SASH1: variants seen among roughly 807,000 people sequenced by gnomAD.
SASH1 encodes the protein SAM and SH3 domain containing 1, also known as SAM and SH3 domain-containing protein 1.
In SASH1, 44 loss-of-function variants were observed where a neutral mutation model predicts 125.2. The ratio of observed to expected loss-of-function variants is 0.35; its 90% CI spans 0.28 to 0.45. The LOEUF (loss-of-function observed/expected upper bound fraction) is 0.45. Ranked by LOEUF, SASH1 falls within the 20% of genes least tolerant of loss-of-function variation. The pLI is 1.00. For synonymous variants in SASH1, 639 were observed against 649.1 expected, an observed-to-expected ratio of 0.98 and a Z score of 0.24; for missense variants, 1,426 against 1,614.5, an observed-to-expected ratio of 0.88 and a Z score of 2.00.
chr6:148,372,695 T>C (rs966322403), intron 1 of SASH1, among the ~76,000 whole-genome samples: 2 of 121,592 alleles, frequency 1.6e-5, no homozygotes, highest in African/African-American at 6.0e-5. Flanking sequence ...GTTTCATTTA[T>C]TCCATTTGTT....
At chr6:148,435,252 C>T (rs1397820232) in intron 2 of SASH1, among the ~76,000 whole-genome samples, 3 of 151,838 alleles carry the variant, frequency 2.0e-5, no homozygotes, top group Admixed American at 2.0e-4. Flanking sequence ...GTGGTGGGTA[C>T]CTGTAATCCC....
the SASH1 span, among the ~76,000 whole-genome samples, chr6:148,195,656 C>T: frequency 1.3e-5 from 2 of 152,312 alleles, no homozygotes; most frequent in African/African-American, 4.8e-5. Context: ...GGTGGCTTCC[C>T]GTGAGAGAGC....
Position 148,544,623 on chromosome 6 carries a change from C to T in SASH1, c.3153C>T (p.Ser1051=), listed in dbSNP as rs1305950863. The change falls in exon 18 of 20, where the codon AGC becomes AGT. Residue 1051 remains serine, a synonymous_variant. Coordinates refer to ENST00000367467, the MANE Select transcript of SASH1 (RefSeq NM_015278.5). This position sits in a 1 kb window ranked among gnomAD's most constrained non-coding sequence, Gnocchi z 6.4. ...CTCTCTCAGGGCAGGCGCCTGGCAGCCCACCAAGCACAAGGCCGCCCCCCT... is the reference window on the plus strand; with the variant it reads ...CTCTCTCAGGGCAGGCGCCTGGCAGTCCACCAAGCACAAGGCCGCCCCCCT... ...PRPLSGQAPG[S]PPSTRPPPWL... is the part of the protein sequence containing the mutation. 2 of 1,613,356 alleles carry T rather than the reference C, an allele frequency of 1.2e-6. No individual in the cohort carries two copies. The highest frequency in any genetic ancestry group is 1.1e-5 in the South Asian group (1 of 91,056).
At chr6:148,224,652 C>T in the SASH1 span, among the ~76,000 whole-genome samples, 125 of 152,262 alleles carry the variant, frequency 8.2e-4, no homozygotes, top group Admixed American at 3.1e-3. Flanking sequence ...TGAGCCACTG[C>T]ACCCGGCCTC....
At chr6:148,305,350 G>A (rs1229178149) in intron 1 of SASH1, among the ~76,000 whole-genome samples, 1 of 152,152 alleles carries the variant, frequency 6.6e-6, no homozygotes, top group East Asian at 1.9e-4. Flanking sequence ...GCTCACGCCT[G>A]TAATCCCAGC....
At chr6:148,290,293 G>C (rs1355919468) in intron 1 of SASH1, among the ~76,000 whole-genome samples, 1 of 151,648 alleles carries the variant, frequency 6.6e-6, no homozygotes, top group African/African-American at 2.4e-5. Context: ...CTCTCTCCCA[G>C]TTGAGAACTA....
chr6:148,389,785 C>T (rs1202450603), intron 1 of SASH1, among the ~76,000 whole-genome samples: 1 of 152,202 alleles, frequency 6.6e-6, no homozygotes, highest in East Asian at 1.9e-4. Context: ...CCTCTCTTAG[C>T]CCTGCTAGGC....
chr6:148,326,859 G>C lies in SASH1; in HGVS notation n.74+54482G>C, dbSNP rs548614156. 1.7e-4 allele frequency among the ~76,000 whole-genome samples: 26 copies of C among 152,234 alleles called. 1 individual carries two copies. Among genetic ancestry groups the C allele is most frequent in the African/African-American group, 6.0e-4 (25 of 41,552 alleles). ...GCATACATAATAAAATCCGCCCTCC[G>C]AGCTTGGCATATGGGGCCATACTCA... On this transcript the variant is annotated intron_variant and non_coding_transcript_variant, in intron 1 of 3. Transcript: ENST00000367469.
At chr6:148,507,353 T>G (rs1779856013) in intron 8 of SASH1, among the ~76,000 whole-genome samples, 1 of 149,228 alleles carries the variant, frequency 6.7e-6, no homozygotes, top group East Asian at 2.0e-4. Flanking sequence ...GTATTCCAAT[T>G]CCCTTTTGTT....
intron 7 of SASH1, among the ~76,000 whole-genome samples, chr6:148,477,345 G>A (rs1014028640): frequency 1.3e-5 from 2 of 151,910 alleles, no homozygotes; most frequent in African/African-American, 2.4e-5. Context: ...CAATATATGT[G>A]GAACTCAAAC....
intron 1 of SASH1, among the ~76,000 whole-genome samples, chr6:148,281,758 T>TA (rs1210366224): frequency 6.6e-6 from 1 of 151,870 alleles, no homozygotes; most frequent in Admixed American, 6.6e-5. Flanking sequence ...CCGTCTCTAC[T>TA]AAAAATACAA....
rs536621787 is a variant in SASH1, at chr6:148,290,782, C to T, written n.74+18405C>T. Among the ~76,000 whole-genome samples the T allele has an allele frequency of 5.4e-5, 8 of 148,924 alleles. No individual in the cohort carries two copies. In the South Asian group the frequency reaches 1.3e-3, roughly 24 times the overall value. The stretch of plus-strand genomic sequence containing the variant: ...CCTGGGAAAACCAGAGACCTTTGTT[C>T]ATGTTTATCTGCTGACCTTCCCTCC... On this transcript the variant is annotated intron_variant and non_coding_transcript_variant, in intron 1 of 3. Coordinates refer to the SASH1 transcript ENST00000367469.
intron 2 of SASH1, among the ~76,000 whole-genome samples, chr6:148,438,725 CAA>C (rs60769463): frequency 0.42 from 40,728 of 96,494 alleles, 6,667 homozygotes; most frequent in South Asian, 0.64. Context: ...TTCATTGTGG[CAA>C]AAAAAAAAAA....
At chr6:148,387,277 C>T (rs1239433878) in intron 1 of SASH1, among the ~76,000 whole-genome samples, 1 of 151,790 alleles carries the variant, frequency 6.6e-6, no homozygotes, top group Non-Finnish European at 1.5e-5. Flanking sequence ...ACCAGCAAGC[C>T]CAGCTAATTT....
intron 2 of SASH1, among the ~76,000 whole-genome samples, chr6:148,409,213 C>A (rs2114901143): frequency 1.3e-5 from 2 of 152,322 alleles, no homozygotes; most frequent in East Asian, 3.9e-4. Context: ...GTTTAAGTTG[C>A]ATCTCTGTGT....
At chr6:148,385,533 G>A (rs1262935203) in intron 1 of SASH1, among the ~76,000 whole-genome samples, 1 of 152,128 alleles carries the variant, frequency 6.6e-6, no homozygotes, top group Non-Finnish European at 1.5e-5. Context: ...GCCACTCTAG[G>A]TAGCTTCAGA....
intron 4 of SASH1, among the ~76,000 whole-genome samples, chr6:148,449,037 C>T (rs1264514261): frequency 1.5e-5 from 2 of 135,748 alleles, no homozygotes; most frequent in Non-Finnish European, 3.3e-5. Flanking sequence ...TTTTGTGTTG[C>T]TGTGATAGAA....
chr6:148,367,611 T>C (rs1014967983), intron 1 of SASH1, among the ~76,000 whole-genome samples: 2 of 152,232 alleles, frequency 1.3e-5, no homozygotes, highest in African/African-American at 4.8e-5. Context: ...GCAGCCCTCC[T>C]GCCCTCTGCA....
chr6:148,481,923 T>C (rs1249636427), intron 7 of SASH1, among the ~76,000 whole-genome samples: 1 of 152,192 alleles, frequency 6.6e-6, no homozygotes, highest in Non-Finnish European at 1.5e-5. Flanking sequence ...ACCTTCAGTT[T>C]GTAAAATGCA....
Sources: allele counts gnomAD v4.1 joint callset (sites outside exome capture counted in the v4.1 genomes callset), GRCh38; gene constraint gnomAD v4.1.1; non-coding constraint Gnocchi (gnomAD v3.1); transcripts MANE v1.5; gene names NCBI Gene and HGNC (gene_info 2026-07-23, HGNC 2026-07-21).